MAP4K3: variants seen among roughly 807,000 people sequenced by gnomAD.
MAP4K3 encodes the protein MAPK/ERK kinase kinase kinase 3.
In MAP4K3, 94 loss-of-function variants were observed where a neutral mutation model predicts 143.5. That is an observed-to-expected ratio of 0.65 (90% CI 0.55 to 0.78). The LOEUF is 0.78. MAP4K3 is among the 30% of genes least tolerant of loss of function. The pLI is 0.00. For synonymous variants in MAP4K3, 416 were observed against 347.2 expected (o/e 1.20, Z -2.20); for missense variants, 1,077 against 1,068.1 (o/e 1.01, Z -0.12).
chr2:39,436,819 A>AGGGCTCGGACGCCC lies in MAP4K3; in HGVS notation c.96+59_96+72dup, dbSNP rs1485663808. 9.7e-6 allele frequency: 13 copies of AGGGCTCGGACGCCC among 1,336,310 alleles called. No homozygotes were observed. The East Asian group carries it at 3.0e-4, about 31-fold the overall frequency. 82.8% of individuals were successfully genotyped at this position (1,336,310 alleles called of 1,614,324 possible). A position where few individuals can be genotyped will look rare whatever the true frequency, so the allele number is the denominator to read the frequency against. On this transcript the variant is annotated intron_variant, in intron 1 of 33. Transcript: ENST00000263881. The stretch of plus-strand genomic sequence containing the variant: ...CAGCGTCTCCCGAGGACAGGCGGCA[A>AGGGCTCGGACGCCC]GGGCTCGGACGCCCAGGCTTGGCTG...
chr2:39,365,101 T>C (rs1311352289), intron 2 of MAP4K3, among the ~76,000 whole-genome samples: 1 of 152,054 alleles, frequency 6.6e-6, no homozygotes, highest in Non-Finnish European at 1.5e-5. Flanking sequence ...ATCAAAGAAA[T>C]ATACTTGGGA....
chr2:39,251,191 C>T (rs1680145069), intron 33 of MAP4K3, among the ~76,000 whole-genome samples: 1 of 152,182 alleles, frequency 6.6e-6, no homozygotes, highest in Non-Finnish European at 1.5e-5. Context: ...ATTTATTCAG[C>T]ACAGATTTAA....
chr2:39,387,682 A>G (rs1043232215), intron 1 of MAP4K3, among the ~76,000 whole-genome samples: 23 of 152,222 alleles, frequency 1.5e-4, no homozygotes, highest in African/African-American at 5.3e-4. Flanking sequence ...AAGAGCAAAT[A>G]ACCCAACAGA....
chr2:39,277,813 GC>G (rs1297316710), intron 24 of MAP4K3, among the ~76,000 whole-genome samples: 4 of 151,426 alleles, frequency 2.6e-5, no homozygotes, highest in Non-Finnish European at 5.9e-5. Flanking sequence ...TGATCTGCCT[GC>G]CTTGGCCTCA....
intron 3 of MAP4K3, among the ~76,000 whole-genome samples, chr2:39,344,760 T>C (rs1336670681): frequency 6.6e-6 from 1 of 152,168 alleles, no homozygotes; most frequent in East Asian, 1.9e-4. Flanking sequence ...AATTGGGTCT[T>C]GAAATTAAAG....
intron 1 of MAP4K3, among the ~76,000 whole-genome samples, chr2:39,420,316 A>C (rs1472332451): frequency 2.0e-5 from 3 of 152,258 alleles, no homozygotes; most frequent in Non-Finnish European, 4.4e-5. Flanking sequence ...ATACACGTGC[A>C]CTTACAGAAT....
chr2:39,368,718 A>C (rs139087398), intron 2 of MAP4K3, among the ~76,000 whole-genome samples: 36 of 152,132 alleles, frequency 2.4e-4, no homozygotes, highest in African/African-American at 8.2e-4. Context: ...AGTTAAATAA[A>C]ATAGTTCTAA....
intron 1 of MAP4K3, among the ~76,000 whole-genome samples, chr2:39,391,302 T>C (rs1019071945): frequency 6.5e-5 from 8 of 123,944 alleles, no homozygotes; most frequent in African/African-American, 2.4e-4. Flanking sequence ...GAGCTTGCAG[T>C]GAGCCGAGAT....
At chr2:39,382,888 A>G (rs1160425997) in intron 1 of MAP4K3, among the ~76,000 whole-genome samples, 1 of 152,204 alleles carries the variant, frequency 6.6e-6, no homozygotes, top group Admixed American at 6.5e-5. Flanking sequence ...AGATGTTACC[A>G]TTTATGCAGA....
At chr2:39,339,099 C>T (rs963182535) in intron 4 of MAP4K3, among the ~76,000 whole-genome samples, 3 of 152,142 alleles carry the variant, frequency 2.0e-5, no homozygotes, top group Non-Finnish European at 4.4e-5. Context: ...AAAACCTTGG[C>T]TAGATAGTAA....
rs201514430 is a variant in MAP4K3 at position 39,267,242 on chromosome 2, A to C, written c.1979T>G (p.Phe660Cys). The C allele has an allele frequency of 1.9e-6, 3 of 1,613,604 alleles. No individual in the cohort carries two copies. The highest frequency in any genetic ancestry group is 1.6e-4 in the Middle Eastern group (1 of 6,072). Residue 660 changes from phenylalanine to cysteine, a missense_variant, in exon 27 of 34, where the codon TTT becomes TGT. By Grantham distance (205) the Phe-to-Cys change is radical. Around this residue, in one of 2 missense-constraint regions of MAP4K3, gnomAD observed 864 missense variants for 801.2 expected, o/e 1.08. Coordinates refer to ENST00000263881, the MANE Select transcript of MAP4K3 (RefSeq NM_003618.4). ...KLPDRILPRKFSVSAKIPETK... is the reference protein window; with the variant it reads ...KLPDRILPRKCSVSAKIPETK... Reference sequence around the variant, plus strand: ...TTCAGGGATTTTTGCTGATACAGAAAATTTCCTAAATGTAAATAAAAGTGA... The same window carrying C: ...TTCAGGGATTTTTGCTGATACAGAACATTTCCTAAATGTAAATAAAAGTGA...
chr2:39,345,691 G>A (rs1665268553), intron 3 of MAP4K3, among the ~76,000 whole-genome samples: 4 of 151,936 alleles, frequency 2.6e-5, no homozygotes, highest in African/African-American at 4.8e-5. Flanking sequence ...AGGCCGAGGC[G>A]GGCGGATCAC....
chr2:39,298,520 G>A (rs1682375639), intron 16 of MAP4K3, among the ~76,000 whole-genome samples: 1 of 151,668 alleles, frequency 6.6e-6, no homozygotes. Flanking sequence ...TTAAACATTT[G>A]GTATTTAGTT....
At chr2:39,265,912 A>G (rs1680744410) in intron 27 of MAP4K3, among the ~76,000 whole-genome samples, 1 of 152,166 alleles carries the variant, frequency 6.6e-6, no homozygotes, top group African/African-American at 2.4e-5. Flanking sequence ...GAAGTAAAGT[A>G]AATATATGTG....
At chr2:39,388,379 C>A (rs1273096315) in intron 1 of MAP4K3, among the ~76,000 whole-genome samples, 1 of 152,142 alleles carries the variant, frequency 6.6e-6, no homozygotes, top group East Asian at 1.9e-4. Context: ...ACTGAACTCA[C>A]AAGCAAATAA....
chr2:39,390,772 TAAAA>T (rs5830564), intron 1 of MAP4K3, among the ~76,000 whole-genome samples: 1 of 149,132 alleles, frequency 6.7e-6, no homozygotes, highest in Non-Finnish European at 1.5e-5. Flanking sequence ...ACATAAAAAT[TAAAA>T]AAAAAAAAAT....
chr2:39,371,803 C>T (rs1225937438), intron 2 of MAP4K3, among the ~76,000 whole-genome samples: 12 of 149,634 alleles, frequency 8.0e-5, no homozygotes. Context: ...CATATATATC[C>T]TCTCTCTCTA....
At chr2:39,251,535 TAAC>T (rs1680155711) in intron 33 of MAP4K3, among the ~76,000 whole-genome samples, 1 of 152,218 alleles carries the variant, frequency 6.6e-6, no homozygotes, top group African/African-American at 2.4e-5. Context: ...CTATCGGCAT[TAAC>T]AACACAAAGT....
At chr2:39,308,409 C>T (rs1158460927) in intron 14 of MAP4K3, among the ~76,000 whole-genome samples, 6 of 152,136 alleles carry the variant, frequency 3.9e-5, no homozygotes, top group African/African-American at 1.2e-4. Flanking sequence ...TTCCTCCACA[C>T]TGGTACACTG....
Sources: allele counts gnomAD v4.1 joint callset (sites outside exome capture counted in the v4.1 genomes callset), GRCh38; gene constraint gnomAD v4.1.1; regional missense constraint gnomAD v4.1.1; transcripts MANE v1.5; gene names NCBI Gene and HGNC (gene_info 2026-07-23, HGNC 2026-07-21).